Variants in COL27A1 observed in about 807,000 individuals in gnomAD.
COL27A1 encodes the protein collagen type XXVII alpha 1 chain.
In COL27A1, 106 loss-of-function variants were observed where a neutral mutation model predicts 251.3. The ratio of observed to expected loss-of-function variants is 0.42; its 90% CI spans 0.36 to 0.50. The LOEUF is 0.50. Ranked by LOEUF, COL27A1 falls within the 20% of genes least tolerant of loss-of-function variation. COL27A1 has a pLI of 0.00. For synonymous variants in COL27A1, 1,000 were observed against 986.3 expected (o/e 1.01, Z -0.26); for missense variants, 2,325 against 2,522.8 (o/e 0.92, Z 1.68).
In COL27A1 at chr9:114,168,207, A is replaced by G. The variant is rs1438247547; in HGVS notation, c.652A>G (p.Ile218Val). 3 of 1,613,866 alleles carry G rather than the reference A, an allele frequency of 1.9e-6. No individual in the cohort carries two copies. Among genetic ancestry groups the G allele is most frequent in the South Asian group, 1.1e-5 (1 of 91,088 alleles). Reference protein sequence around the residue: ...QFEGALCQFSIYPVTQVAHNY... With the variant: ...QFEGALCQFSVYPVTQVAHNY... ...TGAAGGTGCTCTCTGCCAGTTCAGT[A>G]TCTACCCTGTGACGCAGGTCGCTCA... Residue 218 changes from isoleucine to valine, a missense_variant, in exon 3 of 61, where the codon ATC becomes GTC. Coordinates refer to ENST00000356083, the MANE Select transcript of COL27A1 (RefSeq NM_032888.4).
chr9:114,212,482 G>T (rs1022017576), intron 12 of COL27A1, among the ~76,000 whole-genome samples: 2 of 152,232 alleles, frequency 1.3e-5, no homozygotes, highest in Non-Finnish European at 2.9e-5. Flanking sequence ...ATGGGGAAAT[G>T]GAAGAATGAA....
intron 1 of COL27A1, 103 bp from the exon 2 acceptor site, chr9:114,162,611 TG>T (rs2135026451): frequency 1.2e-6 from 1 of 814,320 alleles, no homozygotes; most frequent in South Asian, 1.5e-5. Context: ...TGGGCAGGAC[TG>T]GGGTGAGACT....
chr9:114,200,920 G>A (rs1829523751), intron 7 of COL27A1, among the ~76,000 whole-genome samples: 4 of 152,308 alleles, frequency 2.6e-5, no homozygotes, highest in Admixed American at 2.6e-4. Flanking sequence ...CACAGGCGGA[G>A]GTGGAGCCTC....
chr9:114,213,720 C>T (rs1830517310), intron 12 of COL27A1, among the ~76,000 whole-genome samples: 1 of 152,164 alleles, frequency 6.6e-6, no homozygotes, highest in Non-Finnish European at 1.5e-5. Context: ...TGCGATTCTC[C>T]CAGTGAACCT....
At chr9:114,231,024 C>A in intron 14 of COL27A1, 55 bp from the exon 15 acceptor site, 1 of 1,531,624 alleles carries the variant, frequency 6.5e-7, no homozygotes, top group Non-Finnish European at 9.0e-7. Context: ...ACCACCCAGG[C>A]CAGCCTCCTG....
intron 25 of COL27A1, among the ~76,000 whole-genome samples, chr9:114,251,330 T>C (rs1279323319): frequency 6.6e-6 from 1 of 151,980 alleles, no homozygotes; most frequent in African/African-American, 2.4e-5. Flanking sequence ...CCCGCAAGTC[T>C]GGCCCCGCCT....
chr9:114,222,019 T>C (rs920346843), intron 13 of COL27A1, among the ~76,000 whole-genome samples: 1 of 152,156 alleles, frequency 6.6e-6, no homozygotes, highest in African/African-American at 2.4e-5. Context: ...ATTTGACAGA[T>C]GTGGAAAGCT....
chr9:114,274,662 C>T (rs1835372088), intron 36 of COL27A1, among the ~76,000 whole-genome samples: 1 of 152,164 alleles, frequency 6.6e-6, no homozygotes, highest in Non-Finnish European at 1.5e-5. Context: ...CACCATAGAG[C>T]AAAGCAGTAA....
chr9:114,278,536 A>G (rs1205750973), intron 37 of COL27A1, among the ~76,000 whole-genome samples: 2 of 122,014 alleles, frequency 1.6e-5, no homozygotes, highest in Non-Finnish European at 3.3e-5. Flanking sequence ...GATGGGTGGT[A>G]GTGATGGTAG....
intron 4 of COL27A1, among the ~76,000 whole-genome samples, chr9:114,182,300 G>A (rs1161674276): frequency 2.0e-5 from 3 of 151,662 alleles, no homozygotes; most frequent in African/African-American, 4.8e-5. Context: ...CTCTTGAGCC[G>A]AGGAGTTTGA....
intron 41 of COL27A1, among the ~76,000 whole-genome samples, chr9:114,285,355 G>A (rs1827391998): frequency 6.6e-6 from 1 of 152,138 alleles, no homozygotes; most frequent in Non-Finnish European, 1.5e-5. Flanking sequence ...CATGCCAGTG[G>A]GGATGTGGAG....
intron 1 of COL27A1, among the ~76,000 whole-genome samples, chr9:114,160,063 T>A (rs1213610498): frequency 6.6e-6 from 1 of 151,918 alleles, no homozygotes; most frequent in Non-Finnish European, 1.5e-5. Context: ...TTGGAGAGGA[T>A]GAAGAGGAAG....
chr9:114,307,460 C>G (rs1829136950), intron 58 of COL27A1: 2 of 568,302 alleles, frequency 3.5e-6, no homozygotes, highest in Non-Finnish European at 6.3e-6. Flanking sequence ...AGCCATGTGA[C>G]CCCTCCTCTG....
Position 114,310,652 on chromosome 9 carries a change from G to A in COL27A1, c.5540G>A (p.Gly1847Glu). ...GACAACCTCCCTCCTGCCTCATCAG[G>A]GAAGCAGTACCGCCTGGAAGTTGGA... ...SVDNLPPASS[G>E]KQYRLEVGPA... Residue 1847 changes from glycine (G) to glutamate (E), a missense_variant, in exon 61 of 61, where the codon GGG becomes GAG. Physicochemically the swap from Gly to Glu is moderately conservative, Grantham distance 98 (BLOSUM62 -2). Around this residue, in one of 4 missense-constraint regions of COL27A1, gnomAD observed 327 missense variants for 442.8 expected, o/e 0.74. Transcript: ENST00000356083. 3.1e-6 allele frequency: 5 copies of A among 1,614,154 alleles called. No homozygotes were observed. The highest frequency in any genetic ancestry group is 4.2e-6 in the Non-Finnish European group (5 of 1,180,030).
intron 37 of COL27A1, among the ~76,000 whole-genome samples, 185 bp downstream of exon 37, chr9:114,275,953 A>C (rs1453463450): frequency 6.6e-6 from 1 of 152,180 alleles, no homozygotes; most frequent in East Asian, 1.9e-4. Flanking sequence ...TCTGGAGAAC[A>C]ACCTCGGTTA....
At chr9:114,282,101 G>T in intron 37 of COL27A1, among the ~76,000 whole-genome samples, 176 bp from the exon 38 acceptor site, 1 of 152,196 alleles carries the variant, frequency 6.6e-6, no homozygotes, top group Non-Finnish European at 1.5e-5. Context: ...CACAGCAGAG[G>T]ATGCTGAGCC....
At chr9:114,187,107 C>G (rs1227875771) in intron 5 of COL27A1, among the ~76,000 whole-genome samples, 1 of 152,250 alleles carries the variant, frequency 6.6e-6, no homozygotes. Flanking sequence ...AGAGGGCAGG[C>G]TCCATGGCCC....
chr9:114,256,425 G>A (rs1359112747), intron 27 of COL27A1, among the ~76,000 whole-genome samples: 6 of 152,134 alleles, frequency 3.9e-5, no homozygotes, highest in African/African-American at 1.2e-4. Flanking sequence ...CCTGGGAGGC[G>A]GAGCTTGCAG....
intron 6 of COL27A1, among the ~76,000 whole-genome samples, chr9:114,194,760 T>C: frequency 6.6e-6 from 1 of 152,262 alleles, no homozygotes; most frequent in East Asian, 1.9e-4. Flanking sequence ...ATGTCCTGCA[T>C]GGCTTTCTGC....
Sources: allele counts gnomAD v4.1 joint callset (sites outside exome capture counted in the v4.1 genomes callset), GRCh38; gene constraint gnomAD v4.1.1; regional missense constraint gnomAD v4.1.1; transcripts MANE v1.5; gene names NCBI Gene and HGNC (gene_info 2026-07-23, HGNC 2026-07-21).